OR2L13: variants seen among roughly 807,000 people sequenced by gnomAD.
OR2L13 encodes the protein olfactory receptor family 2 subfamily L member 13.
Under a neutral mutation model 15.3 loss-of-function variants are expected in OR2L13, and 14 were observed. The observed-to-expected ratio is 0.91, with a 90% CI of 0.60 to 1.43. OR2L13 has a LOEUF of 1.43. OR2L13 is among the 40% of genes most tolerant of loss of function. The pLI, the probability that OR2L13 is intolerant of heterozygous loss-of-function variation, is 0.00. For synonymous variants in OR2L13, 152 were observed against 142.9 expected (o/e 1.06, Z -0.45); for missense variants, 367 against 387.9 (o/e 0.95, Z 0.45).
the OR2L13 span, among the ~76,000 whole-genome samples, chr1:247,958,881 T>G: frequency 1.3e-5 from 2 of 151,912 alleles, no homozygotes; most frequent in Non-Finnish European, 2.9e-5. Flanking sequence ...ACTGATGGGT[T>G]TTGACTCTTT....
chr1:248,041,103 G>A, the OR2L13 span: 1 of 152,226 alleles, frequency 6.6e-6, no homozygotes, highest in East Asian at 1.9e-4. Flanking sequence ...GATGTTGAAA[G>A]ATTTACCTAA....
the OR2L13 span, among the ~76,000 whole-genome samples, chr1:247,970,562 G>A: frequency 4.6e-5 from 7 of 152,088 alleles, no homozygotes; most frequent in African/African-American, 1.4e-4. Context: ...ATAGTACCAA[G>A]GGACAAGACT....
chr1:248,043,746 T>C, the OR2L13 span, among the ~76,000 whole-genome samples: 1 of 152,104 alleles, frequency 6.6e-6, no homozygotes, highest in African/African-American at 2.4e-5. Context: ...AAAGAACAGC[T>C]ACTCCACAGA....
chr1:248,017,416 G>A, the OR2L13 span, among the ~76,000 whole-genome samples: 6 of 152,122 alleles, frequency 3.9e-5, no homozygotes, highest in Admixed American at 1.3e-4. Context: ...AATAATCAAA[G>A]AGATGCTACA....
chr1:247,944,398 A>T, the OR2L13 span, among the ~76,000 whole-genome samples: 2 of 152,148 alleles, frequency 1.3e-5, no homozygotes, highest in South Asian at 4.1e-4. Context: ...GCTTTTATCA[A>T]TTCATCACCT....
At chr1:248,022,772 T>C in the OR2L13 span, 13 of 1,614,018 alleles carry the variant, frequency 8.1e-6, no homozygotes, top group Admixed American at 3.3e-5. Flanking sequence ...TTCTGGCTGT[T>C]TTCTACACCA....
the OR2L13 span, chr1:247,965,524 C>T: frequency 9.9e-6 from 16 of 1,612,946 alleles, no homozygotes; most frequent in Admixed American, 1.7e-5. Context: ...CCACCTCATT[C>T]GACTGAACAC....
the OR2L13 span, among the ~76,000 whole-genome samples, chr1:248,015,346 A>G: frequency 6.6e-6 from 1 of 152,118 alleles, no homozygotes; most frequent in African/African-American, 2.4e-5. Flanking sequence ...TGCTGTGGAG[A>G]GCCGTCCTTG....
At chr1:247,997,877 G>C in the OR2L13 span, among the ~76,000 whole-genome samples, 33 of 152,062 alleles carry the variant, frequency 2.2e-4, no homozygotes, top group Non-Finnish European at 4.1e-4. Context: ...CATTCTCCAG[G>C]TAAAAAGGAC....
chr1:248,038,410 T>C, the OR2L13 span: 1 of 1,613,848 alleles, frequency 6.2e-7, no homozygotes, highest in Non-Finnish European at 8.5e-7. Context: ...ATTCTTCTCA[T>C]CTTTTTGGAC....
the OR2L13 span, chr1:248,022,385 A>T: frequency 2.5e-6 from 4 of 1,614,140 alleles, no homozygotes; most frequent in East Asian, 2.2e-5. Flanking sequence ...TGATAACAGG[A>T]TCTTGGATGA....
chr1:248,037,604 T>C, the OR2L13 span, among the ~76,000 whole-genome samples: 1 of 152,286 alleles, frequency 6.6e-6, no homozygotes, highest in East Asian at 1.9e-4. Flanking sequence ...TGTAAGAAAA[T>C]AATTTTTTTC....
At chr1:248,077,721 T>C in the OR2L13 span, among the ~76,000 whole-genome samples, 1 of 152,152 alleles carries the variant, frequency 6.6e-6, no homozygotes, top group African/African-American at 2.4e-5. Context: ...TAAAAACTTC[T>C]GTTAAAGGGA....
chr1:247,939,966 C>A, the OR2L13 span, among the ~76,000 whole-genome samples: 1 of 152,078 alleles, frequency 6.6e-6, no homozygotes, highest in Non-Finnish European at 1.5e-5. Context: ...AAAACATGTA[C>A]TAATATAATA....
chr1:248,085,436 T>TAAAATAAAATAAAATA, the OR2L13 span, among the ~76,000 whole-genome samples: 1 of 84,546 alleles, frequency 1.2e-5, no homozygotes, highest in African/African-American at 4.5e-5. Context: ...TAAAATAAAA[T>TAAAATAAAATAAAATA]AATAAAATAA....
the OR2L13 span, among the ~76,000 whole-genome samples, chr1:247,972,429 G>A: frequency 2.4e-4 from 36 of 152,064 alleles, no homozygotes; most frequent in African/African-American, 8.0e-4. Context: ...ATGATAAAGG[G>A]GATATCACCA....
chr1:247,993,761 G>GA, the OR2L13 span, among the ~76,000 whole-genome samples: 20,157 of 36,094 alleles, frequency 0.56, 4,805 homozygotes, highest in South Asian at 0.61. Context: ...CAGAGAGAGG[G>GA]GGAGAGAGAG....
the OR2L13 span, among the ~76,000 whole-genome samples, chr1:248,000,121 T>G: frequency 0.049 from 7,390 of 150,438 alleles, 563 homozygotes; most frequent in African/African-American, 0.17. Context: ...TTTTTTTTTT[T>G]TGGTGTGTGT....
the OR2L13 span, among the ~76,000 whole-genome samples, chr1:248,019,079 A>G: frequency 1.8e-3 from 278 of 152,218 alleles, 1 homozygote; most frequent in Non-Finnish European, 3.1e-3. Flanking sequence ...GGGTATTGTG[A>G]TAATACTGCT....
Sources: gnomAD v4.1 joint callset for allele counts (sites outside exome capture counted in the v4.1 genomes callset) on GRCh38, gnomAD v4.1.1 for gene constraint, MANE v1.5 for transcripts, NCBI Gene and HGNC (gene_info 2026-07-23, HGNC 2026-07-21) for gene names.